GPHN: variants seen among roughly 807,000 people sequenced by gnomAD.
The protein encoded by GPHN is gephyrin.
Under a neutral mutation model 95.5 loss-of-function variants are expected in GPHN, and 17 were observed. The observed-to-expected ratio is 0.18, with a 90% CI of 0.12 to 0.27. The LOEUF (loss-of-function observed/expected upper bound fraction) is 0.27, where lower values mean the gene tolerates loss of function less well. Among genes scored for constraint, GPHN ranks in the 10% least tolerant of loss-of-function variants. The pLI, the probability that GPHN is intolerant of heterozygous loss-of-function variation, is 1.00. For synonymous variants in GPHN, 320 were observed against 322.5 expected (o/e 0.99, Z 0.08); for missense variants, 660 against 978.1 (o/e 0.67, Z 4.34).
chr14:67,667,938 C>T, the GPHN span, among the ~76,000 whole-genome samples: 1 of 151,996 alleles, frequency 6.6e-6, no homozygotes, highest in African/African-American at 2.4e-5. Context: ...AGCAACACTC[C>T]ATCTCAAAAA....
the GPHN span, among the ~76,000 whole-genome samples, chr14:67,559,266 A>G: frequency 6.6e-6 from 1 of 152,222 alleles, no homozygotes. Flanking sequence ...CCAGAGGAGT[A>G]TAAAATGACA....
At chr14:66,928,498 GTTTT>G (rs1417923391) in intron 8 of GPHN, among the ~76,000 whole-genome samples, 2 of 151,976 alleles carry the variant, frequency 1.3e-5, no homozygotes, top group Admixed American at 6.6e-5. Context: ...CTTTTGTACT[GTTTT>G]TTGTTTGTCT....
intron 4 of GPHN, among the ~76,000 whole-genome samples, chr14:66,834,167 G>A (rs1277499994): frequency 6.6e-6 from 1 of 152,092 alleles, no homozygotes; most frequent in Non-Finnish European, 1.5e-5. Flanking sequence ...TCCTCTGCAT[G>A]ACATTTCTGA....
At chr14:66,855,998 T>A (rs2062787671) in intron 4 of GPHN, among the ~76,000 whole-genome samples, 2 of 152,160 alleles carry the variant, frequency 1.3e-5, no homozygotes, top group African/African-American at 4.8e-5. Context: ...TTGCTTTTTA[T>A]TAATTATTTC....
chr14:67,042,493 C>T (rs2074761386), intron 10 of GPHN, among the ~76,000 whole-genome samples: 1 of 152,140 alleles, frequency 6.6e-6, no homozygotes, highest in Non-Finnish European at 1.5e-5. Flanking sequence ...AGAATATTTT[C>T]CCCATTACTT....
chr14:67,673,832 TA>T, the GPHN span, among the ~76,000 whole-genome samples: 2 of 152,178 alleles, frequency 1.3e-5, no homozygotes, highest in South Asian at 2.1e-4. Context: ...TAAGGGGTAG[TA>T]AACAGTCTCA....
Position 67,111,901 on chromosome 14 carries a change from G to A in GPHN, c.1454G>A (p.Arg485Gln). Reference sequence around the variant, plus strand: ...GAAGTGCGAATTCTGGTGCAAGCTCGGCCAGGCCAAGATATCAGGTAACTT... The same window carrying A: ...GAAGTGCGAATTCTGGTGCAAGCTCAGCCAGGCCAAGATATCAGGTAACTT... Reference protein sequence around the residue: ...ELEVRILVQARPGQDIRPIGH... With the variant: ...ELEVRILVQAQPGQDIRPIGH... Residue 485 changes from arginine (R) to glutamine (Q), a missense_variant, in exon 15 of 23, where the codon CGG (arginine) becomes CAG (glutamine). Transcript: ENST00000478722. The A allele has an allele frequency of 2.5e-6, 4 of 1,612,816 alleles. No individual in the cohort carries two copies. The highest frequency in any genetic ancestry group is 1.3e-5 in the African/African-American group (1 of 74,990).
At position 66,577,029 on chromosome 14, in the gene GPHN, G is replaced by GA. The variant is rs1228444886; in HGVS notation, c.64+68445dup. On this transcript the variant is annotated intron_variant, in intron 1 of 22. Coordinates refer to ENST00000478722, the MANE Select transcript of GPHN (RefSeq NM_020806.5). ...GCAGTTGGACATTGATGTTATAACT[G>GA]AAAAAAATAGTCTATAGCAGCGCAT... 2.0e-5 allele frequency among the ~76,000 whole-genome samples: 3 copies of GA among 152,060 alleles called. No individual in the cohort carries two copies. In the East Asian group the frequency reaches 5.8e-4, roughly 29 times the overall value.
chr14:67,028,780 G>T (rs894007069), intron 10 of GPHN, among the ~76,000 whole-genome samples: 3 of 152,100 alleles, frequency 2.0e-5, no homozygotes, highest in African/African-American at 4.8e-5. Flanking sequence ...CTTGTCTGAT[G>T]AACAGTTTGC....
At chr14:66,920,271 A>G (rs2066144031) in intron 6 of GPHN, among the ~76,000 whole-genome samples, 1 of 152,140 alleles carries the variant, frequency 6.6e-6, no homozygotes, top group Non-Finnish European at 1.5e-5. Flanking sequence ...AAATGTGTGT[A>G]TGTGAGTATG....
At chr14:67,142,938 G>C (rs2080576268) in intron 17 of GPHN, 1 of 237,692 alleles carries the variant, frequency 4.2e-6, no homozygotes, top group Non-Finnish European at 8.3e-6. Context: ...CCTCACCTAA[G>C]ACATTCTCTC....
chr14:67,347,464 C>A, the GPHN span: 7 of 1,592,492 alleles, frequency 4.4e-6, no homozygotes, highest in Non-Finnish European at 6.0e-6. Flanking sequence ...CTGTTAAACA[C>A]AGAAGCATAC....
chr14:67,148,604 A>G (rs1207718046), intron 18 of GPHN, among the ~76,000 whole-genome samples: 2 of 121,410 alleles, frequency 1.6e-5, no homozygotes, highest in African/African-American at 3.4e-5. Flanking sequence ...TCTGTCACCC[A>G]GGCTGGAGTG....
the GPHN span, among the ~76,000 whole-genome samples, chr14:67,409,157 T>G: frequency 3.3e-5 from 5 of 152,008 alleles, no homozygotes; most frequent in Admixed American, 6.6e-5. Flanking sequence ...GCAGGAGGAT[T>G]GCTTGAGCCT....
At chr14:67,492,747 A>T in the GPHN span, among the ~76,000 whole-genome samples, 1 of 152,226 alleles carries the variant, frequency 6.6e-6, no homozygotes, top group Non-Finnish European at 1.5e-5. Flanking sequence ...TAGTCCAAGA[A>T]GTCCTGTGGT....
chr14:67,699,571 C>CA, the GPHN span, among the ~76,000 whole-genome samples: 1 of 100,242 alleles, frequency 1.0e-5, no homozygotes, highest in Non-Finnish European at 1.8e-5. Context: ...ACCTGGAAGA[C>CA]AGAGCAAGAC....
chr14:67,108,842 A>C (rs1343292120), intron 13 of GPHN, among the ~76,000 whole-genome samples: 1 of 152,092 alleles, frequency 6.6e-6, no homozygotes, highest in African/African-American at 2.4e-5. Flanking sequence ...CCATCTTGAC[A>C]GTTTTTAAGC....
intron 2 of GPHN, among the ~76,000 whole-genome samples, chr14:66,769,946 A>G (rs2059107575): frequency 1.3e-5 from 2 of 152,154 alleles, no homozygotes; most frequent in Non-Finnish European, 1.5e-5. Context: ...ACTCCCACCA[A>G]CAGTGTATAC....
the GPHN span, chr14:67,725,405 A>G: frequency 4.9e-6 from 4 of 821,814 alleles, no homozygotes; most frequent in Non-Finnish European, 8.2e-6. Context: ...GGAATTGGCA[A>G]GAGGATGGTG....
Sources: allele counts gnomAD v4.1 joint callset (sites outside exome capture counted in the v4.1 genomes callset), GRCh38; gene constraint gnomAD v4.1.1; transcripts MANE v1.5; gene names NCBI Gene and HGNC (gene_info 2026-07-23, HGNC 2026-07-21).